Variants in LRRC7 observed in about 807,000 individuals in gnomAD.
LRRC7 encodes the protein leucine rich repeat containing 7, also known as leucine-rich repeat-containing protein 7.
LRRC7 carries 23 observed loss-of-function variants against 175.7 expected under a neutral mutation model. The ratio of observed to expected loss-of-function variants is 0.13; its 90% CI spans 0.09 to 0.19. The LOEUF (loss-of-function observed/expected upper bound fraction) is 0.19. Ranked by LOEUF, LRRC7 falls within the 10% of genes least tolerant of loss-of-function variation. The pLI is 1.00. For synonymous variants in LRRC7, 685 were observed against 680.9 expected, an observed-to-expected ratio of 1.01 and a Z score of -0.09; for missense variants, 1,354 against 1,904.7, an observed-to-expected ratio of 0.71 and a Z score of 5.38.
At chr1:69,849,489 G>C (rs1023464364) in intron 7 of LRRC7, among the ~76,000 whole-genome samples, 1 of 151,848 alleles carries the variant, frequency 6.6e-6, no homozygotes, top group African/African-American at 2.4e-5. Flanking sequence ...AACTTAAAGA[G>C]CATCTTTTAA....
At chr1:69,680,073 G>A (rs1469955756) in intron 2 of LRRC7, among the ~76,000 whole-genome samples, 1 of 152,088 alleles carries the variant, frequency 6.6e-6, no homozygotes, top group Non-Finnish European at 1.5e-5. Context: ...TTGAACCCTG[G>A]TCCAGGCCAG....
chr1:69,673,427 C>G (rs1411846935), intron 1 of LRRC7, among the ~76,000 whole-genome samples: 1 of 152,218 alleles, frequency 6.6e-6, no homozygotes, highest in East Asian at 1.9e-4. Flanking sequence ...GTTAGAGCAT[C>G]TGTCTCACCT....
At chr1:69,837,419 A>G (rs912201874) in intron 6 of LRRC7, among the ~76,000 whole-genome samples, 3 of 151,934 alleles carry the variant, frequency 2.0e-5, no homozygotes, top group African/African-American at 7.2e-5. Context: ...AAACCATATA[A>G]ATCTGATACT....
At chr1:69,574,383 C>T (rs1049577321) in intron 1 of LRRC7, among the ~76,000 whole-genome samples, 2 of 152,020 alleles carry the variant, frequency 1.3e-5, no homozygotes, top group African/African-American at 4.8e-5. Flanking sequence ...TGAGAAACTA[C>T]AGGATTTTAT....
chr1:69,569,679 T>TTC (rs889187554), intron 1 of LRRC7, among the ~76,000 whole-genome samples: 2 of 151,988 alleles, frequency 1.3e-5, no homozygotes, highest in African/African-American at 4.8e-5. Context: ...CTTACACTAC[T>TTC]TCTCGGCCAT....
intron 1 of LRRC7, among the ~76,000 whole-genome samples, chr1:69,654,694 C>G (rs1424571406): frequency 6.6e-6 from 1 of 151,950 alleles, no homozygotes; most frequent in Non-Finnish European, 1.5e-5. Context: ...TTCATTTTTA[C>G]AAAGATGATA....
intron 1 of LRRC7, among the ~76,000 whole-genome samples, chr1:69,583,979 A>G (rs1295472663): frequency 6.6e-6 from 1 of 152,122 alleles, no homozygotes; most frequent in East Asian, 1.9e-4. Flanking sequence ...AATAAGCAAA[A>G]CGGCAGAGAA....
intron 1 of LRRC7, among the ~76,000 whole-genome samples, chr1:69,614,259 T>A (rs967081119): frequency 6.6e-6 from 1 of 152,040 alleles, no homozygotes; most frequent in Non-Finnish European, 1.5e-5. Context: ...GTGATAACAA[T>A]GGAAAATGAA....
chr1:69,853,931 G>A (rs1218786835), intron 7 of LRRC7, among the ~76,000 whole-genome samples: 1 of 152,120 alleles, frequency 6.6e-6, no homozygotes, highest in Non-Finnish European at 1.5e-5. Flanking sequence ...ATATTTCACT[G>A]ATAAAGTTTT....
chr1:69,755,483 G>T (rs1270486925), intron 2 of LRRC7, among the ~76,000 whole-genome samples: 1 of 148,366 alleles, frequency 6.7e-6, no homozygotes, highest in Non-Finnish European at 1.5e-5. Context: ...GAAATTTTTA[G>T]AATACAAGAA....
intron 2 of LRRC7, among the ~76,000 whole-genome samples, chr1:69,694,495 T>G (rs1417436): frequency 6.6e-6 from 1 of 151,842 alleles, no homozygotes; most frequent in East Asian, 1.9e-4. Flanking sequence ...TCTCAGCTTC[T>G]GTTAGATATC....
At chr1:70,032,534 C>T (rs1658864061) in intron 18 of LRRC7, among the ~76,000 whole-genome samples, 1 of 152,138 alleles carries the variant, frequency 6.6e-6, no homozygotes, top group Admixed American at 6.5e-5. Flanking sequence ...ATTCCTTCCC[C>T]ATCCTCCTTT....
intron 4 of LRRC7, among the ~76,000 whole-genome samples, chr1:69,809,891 T>C (rs1249562043): frequency 6.6e-6 from 1 of 152,152 alleles, no homozygotes; most frequent in Non-Finnish European, 1.5e-5. Context: ...TCACCACTCC[T>C]ATTCAACATA....
intron 8 of LRRC7, among the ~76,000 whole-genome samples, chr1:69,952,896 C>A (rs1650088163): frequency 6.7e-6 from 1 of 150,110 alleles, no homozygotes; most frequent in Non-Finnish European, 1.5e-5. Context: ...TTTTGAACTC[C>A]TACTGTTTGC....
intron 5 of LRRC7, among the ~76,000 whole-genome samples, chr1:69,831,127 C>A: frequency 6.6e-6 from 1 of 151,834 alleles, no homozygotes; most frequent in Non-Finnish European, 1.5e-5. Context: ...GGAAAAATAT[C>A]TGTCCCTACC....
At position 70,127,128 on chromosome 1, in the gene LRRC7, A is replaced by G. The variant is rs1442735247; in HGVS notation, c.*5241A>G. On this transcript the variant is annotated 3_prime_UTR_variant, in exon 27 of 27. Transcript: ENST00000651989. ...ATGGAGTGCTTATAATGTTACTGAC[A>G]ACAACAAACAAAGCCTGTGTGCAAT... is the stretch of plus-strand genomic sequence containing the variant. 6.6e-6 allele frequency among the ~76,000 whole-genome samples: 1 copy of G among 152,228 alleles called. No individual in the cohort carries two copies. Among genetic ancestry groups the G allele is most frequent in the Admixed American group, 6.5e-5 (1 of 15,284 alleles).
chr1:70,084,138 G>C (rs534968236), intron 24 of LRRC7, among the ~76,000 whole-genome samples: 13 of 152,168 alleles, frequency 8.5e-5, no homozygotes, highest in South Asian at 4.1e-4. Context: ...GCTCTGTCAT[G>C]ATGACCTTGT....
intron 2 of LRRC7, among the ~76,000 whole-genome samples, chr1:69,720,463 T>G (rs1336594317): frequency 1.3e-5 from 2 of 151,712 alleles, no homozygotes; most frequent in East Asian, 3.9e-4. Context: ...CTATTTCTAT[T>G]CGTGTTTATA....
At chr1:69,700,158 G>A (rs1424070368) in intron 2 of LRRC7, among the ~76,000 whole-genome samples, 2 of 152,138 alleles carry the variant, frequency 1.3e-5, no homozygotes, top group East Asian at 3.9e-4. Flanking sequence ...AACTTAGCTA[G>A]CACAAAACAG....
Sources: allele counts gnomAD v4.1 joint callset (sites outside exome capture counted in the v4.1 genomes callset), GRCh38; gene constraint gnomAD v4.1.1; transcripts MANE v1.5; gene names NCBI Gene and HGNC (gene_info 2026-07-23, HGNC 2026-07-21).